The following SYNPR variants were observed in gnomAD, a reference collection of about 807,000 sequenced individuals.
The protein encoded by SYNPR is synaptoporin.
A neutral mutation model predicts 32.9 loss-of-function variants in SYNPR; 23 were observed. The ratio of observed to expected loss-of-function variants is 0.70; its 90% CI spans 0.50 to 0.99. The LOEUF (loss-of-function observed/expected upper bound fraction) is 0.99, where lower values mean the gene tolerates loss of function less well. Among genes scored for constraint, SYNPR ranks in the 50% least tolerant of loss-of-function variants. The pLI is 0.00. For synonymous variants in SYNPR, 146 were observed against 135.9 expected (o/e 1.07, Z -0.52); for missense variants, 318 against 349.3 (o/e 0.91, Z 0.71).
intron 2 of SYNPR, among the ~76,000 whole-genome samples, chr3:63,440,788 T>C (rs1700156680): frequency 6.6e-6 from 1 of 152,134 alleles, no homozygotes; most frequent in South Asian, 2.1e-4. Flanking sequence ...AGCAAACCGC[T>C]AGCAAACCCA....
the SYNPR span, among the ~76,000 whole-genome samples, chr3:63,208,841 A>G: frequency 6.6e-6 from 1 of 152,216 alleles, no homozygotes; most frequent in Non-Finnish European, 1.5e-5. Flanking sequence ...TTGATTTGGT[A>G]GAATACTAAA....
chr3:63,366,876 A>G (rs1015488502), intron 2 of SYNPR, among the ~76,000 whole-genome samples: 2 of 152,236 alleles, frequency 1.3e-5, no homozygotes, highest in Non-Finnish European at 2.9e-5. Flanking sequence ...CAGACTGAAG[A>G]TTAAATGAGC....
intron 2 of SYNPR, among the ~76,000 whole-genome samples, chr3:63,401,618 CGT>C (rs2088294277): frequency 6.6e-6 from 1 of 152,002 alleles, no homozygotes; most frequent in Admixed American, 6.5e-5. Flanking sequence ...TTTTTAGAGT[CGT>C]GTGTCTAGCC....
At chr3:63,604,194 C>A (rs138281926) in intron 4 of SYNPR, among the ~76,000 whole-genome samples, 2,018 of 152,142 alleles carry the variant, frequency 0.013, 56 homozygotes, top group African/African-American at 0.047. Context: ...GTGGTAATAT[C>A]CCCTTTGTCA....
At chr3:63,503,148 A>G (rs1701515917) in intron 3 of SYNPR, among the ~76,000 whole-genome samples, 1 of 152,080 alleles carries the variant, frequency 6.6e-6, no homozygotes, top group Non-Finnish European at 1.5e-5. Flanking sequence ...TAATATTAAG[A>G]GGTATGTAAT....
At chr3:63,251,879 G>A (rs2086334958) in intron 1 of SYNPR, among the ~76,000 whole-genome samples, 1 of 151,798 alleles carries the variant, frequency 6.6e-6, no homozygotes, top group Non-Finnish European at 1.5e-5. Flanking sequence ...AACTCACACA[G>A]ATCACGTTTT....
At chr3:63,440,778 A>T (rs760902941) in intron 2 of SYNPR, among the ~76,000 whole-genome samples, 1 of 152,174 alleles carries the variant, frequency 6.6e-6, no homozygotes, top group African/African-American at 2.4e-5. Context: ...AGGGTCACAG[A>T]GCAAACCGCT....
chr3:63,501,499 AAAAAAAAAAAAAAAAG>A (rs1252177767), intron 3 of SYNPR, among the ~76,000 whole-genome samples: 1 of 116,614 alleles, frequency 8.6e-6, no homozygotes, highest in African/African-American at 3.8e-5. Context: ...CCAACCAAAA[AAAAAAAAAAAAAAAAG>A]AAAAGAAAAA....
chr3:63,421,038 G>A (rs1445358652), intron 2 of SYNPR, among the ~76,000 whole-genome samples: 1 of 151,954 alleles, frequency 6.6e-6, no homozygotes, highest in Non-Finnish European at 1.5e-5. Context: ...ATACCACCAT[G>A]CCCAGCTAAT....
chr3:63,534,915 A>G (rs1364605260), intron 3 of SYNPR, among the ~76,000 whole-genome samples: 1 of 152,102 alleles, frequency 6.6e-6, no homozygotes, highest in African/African-American at 2.4e-5. Flanking sequence ...ATCCACCCCC[A>G]TAACCCCAGC....
rs1489980780 is a variant in SYNPR at position 63,269,474 on chromosome 3, T to C, written n.287+2025T>C. 2.7e-5 allele frequency among the ~76,000 whole-genome samples: 4 copies of C among 150,770 alleles called. No homozygotes were observed. The East Asian group carries it at 7.8e-4, about 29-fold the overall frequency. On this transcript the variant is annotated intron_variant and non_coding_transcript_variant, in intron 3 of 4. Transcript: ENST00000478456. ...CCCTGGGCAACAGAGTGAGACTCCA[T>C]CTCAAAAAAGGAGAAAAAAAAAAGG...
At chr3:63,609,669 G>A (rs929496786) in intron 5 of SYNPR, among the ~76,000 whole-genome samples, 3 of 152,198 alleles carry the variant, frequency 2.0e-5, no homozygotes, top group African/African-American at 7.2e-5. Context: ...CAATTTAGGA[G>A]GCCAAGGTGG....
chr3:63,411,785 G>A (rs752956312), intron 2 of SYNPR, among the ~76,000 whole-genome samples: 7 of 152,138 alleles, frequency 4.6e-5, no homozygotes, highest in Non-Finnish European at 7.4e-5. Context: ...GTACTGGGGA[G>A]TCAGGGAAGA....
At chr3:63,585,271 C>T (rs929743364) in intron 4 of SYNPR, among the ~76,000 whole-genome samples, 1 of 151,968 alleles carries the variant, frequency 6.6e-6, no homozygotes, top group African/African-American at 2.4e-5. Flanking sequence ...TATGCCTAGG[C>T]AGAGTAAAAA....
chr3:63,330,767 G>A (rs1160924231), intron 2 of SYNPR, among the ~76,000 whole-genome samples: 2 of 152,036 alleles, frequency 1.3e-5, no homozygotes, highest in African/African-American at 2.4e-5. Context: ...GAAAGTTGAG[G>A]TCCAGAGAGA....
rs760930182 is a variant in SYNPR at position 63,615,499 on chromosome 3, T to C, written c.*18T>C. 1.2e-6 allele frequency: 2 copies of C among 1,600,966 alleles called. No individual in the cohort carries two copies. The highest frequency in any genetic ancestry group is 1.1e-5 in the South Asian group (1 of 89,352). On this transcript the variant is annotated 3_prime_UTR_variant, in exon 6 of 6. Coordinates refer to ENST00000478300, the MANE Select transcript of SYNPR (RefSeq NM_001130003.2). Reference sequence around the variant, plus strand: ...AGATTTAACAGAGTAGCATTTGCATTCTTCTGCAGTCGCCTCACCATCTTC... The same window carrying C: ...AGATTTAACAGAGTAGCATTTGCATCCTTCTGCAGTCGCCTCACCATCTTC...
At chr3:63,205,360 A>C in the SYNPR span, among the ~76,000 whole-genome samples, 1 of 152,208 alleles carries the variant, frequency 6.6e-6, no homozygotes, top group African/African-American at 2.4e-5. Flanking sequence ...AGATGTCCCT[A>C]CCTGTCCAAA....
chr3:63,528,569 C>T (rs1702057737), intron 3 of SYNPR, among the ~76,000 whole-genome samples: 1 of 152,096 alleles, frequency 6.6e-6, no homozygotes, highest in South Asian at 2.1e-4. Flanking sequence ...AACACTAAAA[C>T]GTGTTGTTTG....
In SYNPR at chr3:63,581,247, A is replaced by G. The variant is rs79780331; in HGVS notation, c.408+24506A>G. On this transcript the variant is annotated intron_variant, in intron 4 of 5. Coordinates refer to ENST00000478300, the MANE Select transcript of SYNPR (RefSeq NM_001130003.2). ...AAAGCGATACTTCATAAACTGCATC[A>G]AGGGAGCACTGCGTTGAGAACCATT... Among the ~76,000 whole-genome samples, 854 of 152,256 alleles carry G rather than the reference A, an allele frequency of 5.6e-3. 11 individuals carry two copies. The highest frequency in any genetic ancestry group is 0.019 in the African/African-American group (791 of 41,548).
Sources: allele counts gnomAD v4.1 joint callset (sites outside exome capture counted in the v4.1 genomes callset), GRCh38; gene constraint gnomAD v4.1.1; transcripts MANE v1.5; gene names NCBI Gene and HGNC (gene_info 2026-07-23, HGNC 2026-07-21).